Variants in CRIM1 observed in about 807,000 individuals in gnomAD.
CRIM1 encodes the protein cysteine-rich motor neuron 1 protein.
In CRIM1, 32 loss-of-function variants were observed where a neutral mutation model predicts 116.4. The ratio of observed to expected loss-of-function variants is 0.27; its 90% confidence interval spans 0.21 to 0.37. The LOEUF is 0.37. Ranked by LOEUF, CRIM1 falls within the 10% of genes least tolerant of loss-of-function variation. The pLI is 1.00. For synonymous variants in CRIM1, 590 were observed against 509.2 expected (o/e 1.16, Z -2.13); for missense variants, 1,331 against 1,354.8 (o/e 0.98, Z 0.28).
intron 13 of CRIM1, among the ~76,000 whole-genome samples, chr2:36,534,346 AGGAGGGAAGGAAAGAG>A (rs1004009011): frequency 3.5e-5 from 3 of 85,294 alleles, no homozygotes; most frequent in East Asian, 8.0e-4. Context: ...GGGAGGGAGG[AGGAGGGAAGGAAAGAG>A]GGAGGGAAGG....
At chr2:36,482,325 A>C (rs1679483146) in intron 7 of CRIM1, among the ~76,000 whole-genome samples, 1 of 151,478 alleles carries the variant, frequency 6.6e-6, no homozygotes, top group Admixed American at 6.6e-5. Flanking sequence ...TATTAATAAT[A>C]AGAACACAGA....
intron 1 of CRIM1, among the ~76,000 whole-genome samples, chr2:36,371,932 T>A (rs1386295946): frequency 2.0e-5 from 3 of 152,202 alleles, no homozygotes; most frequent in African/African-American, 7.2e-5. Flanking sequence ...CATGACTTGG[T>A]GATAGCAAAA....
intron 4 of CRIM1, among the ~76,000 whole-genome samples, chr2:36,457,995 G>A (rs970285505): frequency 5.3e-5 from 8 of 152,216 alleles, no homozygotes; most frequent in East Asian, 3.9e-4. Context: ...ACTAAAGGGC[G>A]ACCTCCCACC....
At chr2:36,357,536 T>G (rs1164963995) in intron 1 of CRIM1, among the ~76,000 whole-genome samples, 1 of 152,194 alleles carries the variant, frequency 6.6e-6, no homozygotes, top group African/African-American at 2.4e-5. Flanking sequence ...GTGTTGGCTT[T>G]AATCCCTGCC....
At chr2:36,485,770 G>T (rs948970359) in intron 7 of CRIM1, among the ~76,000 whole-genome samples, 2 of 152,150 alleles carry the variant, frequency 1.3e-5, no homozygotes, top group Non-Finnish European at 2.9e-5. Flanking sequence ...TCAAAACTCA[G>T]TTTATGGGTG....
intron 2 of CRIM1, among the ~76,000 whole-genome samples, chr2:36,423,540 TAA>T (rs1674229260): frequency 1.3e-5 from 2 of 152,226 alleles, no homozygotes; most frequent in Non-Finnish European, 2.9e-5. Flanking sequence ...AATTACACAG[TAA>T]AAGAGTTCAG....
chr2:36,466,965 T>A (rs1390752825), intron 5 of CRIM1, among the ~76,000 whole-genome samples: 1 of 152,228 alleles, frequency 6.6e-6, no homozygotes, highest in Non-Finnish European at 1.5e-5. Flanking sequence ...TCCTTTCTTA[T>A]CAGAACATAG....
intron 7 of CRIM1, among the ~76,000 whole-genome samples, chr2:36,498,280 G>A (rs989002208): frequency 6.6e-6 from 1 of 152,138 alleles, no homozygotes; most frequent in African/African-American, 2.4e-5. Context: ...CACAGAAGCT[G>A]AGAGTGTGAC....
At chr2:36,435,120 G>A (rs1190052236) in intron 2 of CRIM1, among the ~76,000 whole-genome samples, 1 of 152,168 alleles carries the variant, frequency 6.6e-6, no homozygotes, top group Non-Finnish European at 1.5e-5. Flanking sequence ...TGATACTCTA[G>A]GCTGATACCA....
intron 13 of CRIM1, among the ~76,000 whole-genome samples, chr2:36,534,264 A>G (rs1343578358): frequency 8.2e-6 from 1 of 122,600 alleles, no homozygotes; most frequent in Non-Finnish European, 1.7e-5. Context: ...AGGAGGAAAG[A>G]AAGGATGGAG....
intron 1 of CRIM1, among the ~76,000 whole-genome samples, chr2:36,387,422 A>G (rs1396230239): frequency 6.6e-6 from 1 of 152,232 alleles, no homozygotes; most frequent in Non-Finnish European, 1.5e-5. Context: ...TTTTTACTGG[A>G]CATTCAAGTT....
chr2:36,360,548 A>G (rs2113631), intron 1 of CRIM1, among the ~76,000 whole-genome samples: 109,891 of 152,108 alleles, frequency 0.72, 39,987 homozygotes, highest in East Asian at 0.92. Context: ...CTATGTATAC[A>G]TAGTGGGGTA....
intron 1 of CRIM1, among the ~76,000 whole-genome samples, chr2:36,373,502 C>T (rs1670081997): frequency 6.6e-6 from 1 of 152,174 alleles, no homozygotes. Flanking sequence ...TTTGACTGGC[C>T]TATCGTTCCT....
At chr2:36,381,164 T>C (rs1252734415) in intron 1 of CRIM1, among the ~76,000 whole-genome samples, 1 of 151,972 alleles carries the variant, frequency 6.6e-6, no homozygotes, top group Non-Finnish European at 1.5e-5. Flanking sequence ...GTGTGAAGCC[T>C]CTGGAATGTG....
rs147981711 is a variant in CRIM1, at chr2:36,511,196, C to T, written c.1658+1057C>T. Among the ~76,000 whole-genome samples, 744 of 152,288 alleles carry T rather than the reference C, an allele frequency of 4.9e-3. 3 individuals are homozygous for T. The highest frequency in any genetic ancestry group is 0.017 in the African/African-American group (718 of 41,556). ...GCTCAAGCGATCAGCCTACCTTGGC[C>T]TTCCAAAGTGCTGGGATTACAGGCA... On this transcript the variant is annotated intron_variant, in intron 9 of 16. Coordinates refer to ENST00000280527, the MANE Select transcript of CRIM1 (RefSeq NM_016441.3).
chr2:36,478,596 T>C (rs1679168077), intron 6 of CRIM1, among the ~76,000 whole-genome samples: 1 of 152,220 alleles, frequency 6.6e-6, no homozygotes, highest in African/African-American at 2.4e-5. Flanking sequence ...ATGGCATTAT[T>C]TTAAATGCTG....
chr2:36,359,043 G>A (rs775089273), intron 1 of CRIM1, among the ~76,000 whole-genome samples: 7 of 152,110 alleles, frequency 4.6e-5, no homozygotes, highest in South Asian at 4.1e-4. Context: ...ATTATCTCTT[G>A]TTTTTCTGTG....
intron 1 of CRIM1, chr2:36,378,649 A>T: frequency 4.7e-6 from 1 of 210,838 alleles, no homozygotes; most frequent in South Asian, 8.6e-5. Flanking sequence ...GCTGTCCTAA[A>T]GGTAAAAGAT....
At chr2:36,472,012 A>G (rs1212899384) in intron 5 of CRIM1, among the ~76,000 whole-genome samples, 2 of 152,212 alleles carry the variant, frequency 1.3e-5, no homozygotes, top group Non-Finnish European at 2.9e-5. Context: ...CTAATAGTCT[A>G]TATTACAAAA....
Sources: allele counts gnomAD v4.1 joint callset (sites outside exome capture counted in the v4.1 genomes callset), GRCh38; gene constraint gnomAD v4.1.1; transcripts MANE v1.5; gene names NCBI Gene and HGNC (gene_info 2026-07-23, HGNC 2026-07-21).